ERBB4: variants seen among roughly 807,000 people sequenced by gnomAD.
ERBB4 encodes the protein receptor tyrosine-protein kinase erbB-4.
ERBB4 carries 42 observed loss-of-function variants against 158.0 expected under a neutral mutation model. The observed-to-expected ratio is 0.27, with a 90% CI of 0.21 to 0.34. The LOEUF (loss-of-function observed/expected upper bound fraction) is 0.34, where lower values mean the gene tolerates loss of function less well. ERBB4 is among the 10% of genes least tolerant of loss of function. ERBB4 has a pLI of 1.00. For synonymous variants in ERBB4, 583 were observed against 558.7 expected, an observed-to-expected ratio of 1.04 and a Z score of -0.61; for missense variants, 1,333 against 1,624.1, an observed-to-expected ratio of 0.82 and a Z score of 3.08.
At chr2:211,429,682 A>G (rs1359732311) in intron 21 of ERBB4, among the ~76,000 whole-genome samples, 1 of 152,242 alleles carries the variant, frequency 6.6e-6, no homozygotes, top group African/African-American at 2.4e-5. Context: ...CCAAGGTGAC[A>G]CCAAGGTAAC....
At chr2:212,267,054 T>C (rs75865043) in intron 1 of ERBB4, among the ~76,000 whole-genome samples, 1,552 of 141,410 alleles carry the variant, frequency 0.011, 17 homozygotes, top group African/African-American at 0.039. Flanking sequence ...GTGTAGATCA[T>C]TAAATGCTAC....
chr2:211,644,909 A>C (rs990369627), intron 16 of ERBB4, among the ~76,000 whole-genome samples: 3 of 152,016 alleles, frequency 2.0e-5, no homozygotes, highest in African/African-American at 7.2e-5. Context: ...TTATCTAAGC[A>C]AATGACTTAT....
chr2:211,663,012 C>T (rs2071490781), intron 15 of ERBB4, among the ~76,000 whole-genome samples: 1 of 152,160 alleles, frequency 6.6e-6, no homozygotes, highest in South Asian at 2.1e-4. Flanking sequence ...GTTACTTGCT[C>T]CATCATCCTC....
Position 211,665,335 on chromosome 2 carries a change from T to A in ERBB4, c.1859A>T (p.Asn620Ile). 6.2e-7 allele frequency: 1 copy of A among 1,614,084 alleles called. No individual in the cohort carries two copies. Among genetic ancestry groups the A allele is most frequent in the Non-Finnish European group, 8.5e-7 (1 of 1,180,008 alleles). Reference protein sequence around the residue: ...PDRECHPCHPNCTQGCNGPTS... With the variant: ...PDRECHPCHPICTQGCNGPTS... The stretch of plus-strand genomic sequence containing the variant: ...CAAGAATGCTTACCCTTGGGTGCAG[T>A]TTGGATGGCATGGGTGGCACTCCCG... Residue 620 changes from asparagine to isoleucine, a missense_variant, in exon 15 of 28, where the codon AAC (asparagine) becomes ATC (isoleucine). By Grantham distance (149) the Asn-to-Ile change is moderately radical (BLOSUM62 -3). Coordinates refer to ENST00000342788, the MANE Select transcript of ERBB4 (RefSeq NM_005235.3).
At chr2:212,417,534 C>T (rs1384615902) in intron 1 of ERBB4, among the ~76,000 whole-genome samples, 2 of 152,010 alleles carry the variant, frequency 1.3e-5, no homozygotes, top group Non-Finnish European at 2.9e-5. Flanking sequence ...TCTACTGACT[C>T]ATTTTTACCA....
chr2:212,460,088 GCT>G (rs1272775647), intron 1 of ERBB4, among the ~76,000 whole-genome samples: 1 of 152,094 alleles, frequency 6.6e-6, no homozygotes, highest in Non-Finnish European at 1.5e-5. Flanking sequence ...CCCTGCACAA[GCT>G]CTCTCTCCTT....
chr2:212,509,271 G>A (rs982868990), intron 1 of ERBB4, among the ~76,000 whole-genome samples: 19 of 151,914 alleles, frequency 1.3e-4, no homozygotes, highest in African/African-American at 3.1e-4. Flanking sequence ...AATGAGATTC[G>A]GAAGTTTTTA....
rs1270354645 is a variant in ERBB4 at position 211,489,735 on chromosome 2, A to G, written c.2488-58635T>C. Among the ~76,000 whole-genome samples the G allele has an allele frequency of 2.6e-5, 4 of 151,882 alleles. No homozygotes were observed. In the East Asian group the frequency reaches 7.7e-4, roughly 29 times the overall value. ...CATATGTATATTGTACAACATGACA[A>G]ATAGCATATGAAAGGAAGCTATGCA... On this transcript the variant is annotated intron_variant, in intron 20 of 27. Coordinates refer to ENST00000342788, the MANE Select transcript of ERBB4 (RefSeq NM_005235.3).
At chr2:212,155,704 T>A (rs936888799) in intron 1 of ERBB4, among the ~76,000 whole-genome samples, 2 of 152,060 alleles carry the variant, frequency 1.3e-5, no homozygotes, top group African/African-American at 4.8e-5. Flanking sequence ...AATTTATCAT[T>A]CCCATCAGTT....
intron 22 of ERBB4, among the ~76,000 whole-genome samples, chr2:211,424,910 A>AAATTGTGAAGGG (rs1319035253): frequency 6.6e-6 from 1 of 152,094 alleles, no homozygotes; most frequent in Non-Finnish European, 1.5e-5. Flanking sequence ...GTCACCAACA[A>AAATTGTGAAGGG]AATTGTGAAG....
At chr2:212,475,066 T>G (rs1053441658) in intron 1 of ERBB4, among the ~76,000 whole-genome samples, 5 of 152,100 alleles carry the variant, frequency 3.3e-5, no homozygotes, top group African/African-American at 1.2e-4. Context: ...TTATAGCCTC[T>G]ATTTCTGTTG....
chr2:212,003,212 A>AGAAGGAAGGAAGGAAG (rs201981636), intron 2 of ERBB4, among the ~76,000 whole-genome samples: 10 of 40,482 alleles, frequency 2.5e-4, no homozygotes, highest in African/African-American at 6.4e-4. Context: ...AAAGACAGAA[A>AGAAGGAAGGAAGGAAG]GAAGGAAGGA....
At chr2:212,192,042 A>ATAT (rs368168173) in intron 1 of ERBB4, among the ~76,000 whole-genome samples, 13,997 of 48,654 alleles carry the variant, frequency 0.29, 2,414 homozygotes, top group African/African-American at 0.54. Context: ...TATATGTTAT[A>ATAT]TATATGTTAT....
At chr2:211,530,035 A>C (rs770514454) in intron 20 of ERBB4, among the ~76,000 whole-genome samples, 2 of 152,142 alleles carry the variant, frequency 1.3e-5, no homozygotes, top group Non-Finnish European at 2.9e-5. Context: ...AAAAAGCTCC[A>C]AATTGGAAAG....
chr2:212,169,761 T>C (rs1235763301), intron 1 of ERBB4, among the ~76,000 whole-genome samples: 2 of 152,138 alleles, frequency 1.3e-5, no homozygotes, highest in East Asian at 1.9e-4. Flanking sequence ...TCATAGTAAG[T>C]GACTTCTCAT....
In ERBB4 at chr2:212,399,577, TATATATATTG is replaced by T. The variant is rs1470392831; in HGVS notation, c.82+138862_82+138871del. On this transcript the variant is annotated intron_variant, in intron 1 of 27. Transcript: ENST00000342788. ...ATATATATATATATATATATATATA[TATATATATTG>T]GGCGTGGTGTCTTATGCCTGTAATC... Among the ~76,000 whole-genome samples the T allele has an allele frequency of 7.7e-3, 711 of 92,136 alleles. 20 individuals carry two copies. Among genetic ancestry groups the T allele is most frequent in the African/African-American group, 0.032 (677 of 20,872 alleles). The allele number at this position is 92,136 out of a possible 152,430, so 60.4% of individuals were successfully genotyped here.
At chr2:211,562,570 G>A (rs2067426828) in intron 19 of ERBB4, among the ~76,000 whole-genome samples, 1 of 152,006 alleles carries the variant, frequency 6.6e-6, no homozygotes, top group African/African-American at 2.4e-5. Flanking sequence ...TGTATAAATC[G>A]TAAATATGGA....
intron 12 of ERBB4, among the ~76,000 whole-genome samples, chr2:211,683,261 A>C (rs2072428570): frequency 6.6e-6 from 1 of 152,122 alleles, no homozygotes; most frequent in African/African-American, 2.4e-5. Flanking sequence ...ATATAGGCAA[A>C]ATACAGATTT....
intron 1 of ERBB4, among the ~76,000 whole-genome samples, chr2:212,446,594 T>C (rs2092356577): frequency 1.4e-4 from 2 of 14,320 alleles, no homozygotes; most frequent in African/African-American, 3.7e-4. Flanking sequence ...TATATATGTA[T>C]ATATATATAT....
Sources: allele counts gnomAD v4.1 joint callset (sites outside exome capture counted in the v4.1 genomes callset), GRCh38; gene constraint gnomAD v4.1.1; transcripts MANE v1.5; gene names NCBI Gene and HGNC (gene_info 2026-07-23, HGNC 2026-07-21).